YBEY: variants seen among roughly 807,000 people sequenced by gnomAD.
YBEY encodes endoribonuclease YbeY.
A neutral mutation model predicts 13.5 loss-of-function variants in YBEY; 15 were observed. The observed-to-expected ratio is 1.11, with a 90% CI of 0.75 to 1.72. The LOEUF is 1.72. Ranked by LOEUF, YBEY falls within the 40% of genes most tolerant of loss-of-function variation. The pLI, the probability that YBEY is intolerant of heterozygous loss-of-function variation, is 0.00. For missense variants in YBEY, 244 were observed against 208.4 expected (o/e 1.17, Z -1.05); for synonymous variants, 101 against 83.1 (o/e 1.21, Z -1.17).
the YBEY span, among the ~76,000 whole-genome samples, chr21:46,310,138 TCA>T: frequency 7.9e-5 from 12 of 152,180 alleles, no homozygotes; most frequent in African/African-American, 2.7e-4. Flanking sequence ...ATGGATATGC[TCA>T]GTCTTGATTG....
Position 46,296,171 on chromosome 21 carries a change from AC to A in YBEY, c.352del (p.His118ThrfsTer42). 6.2e-7 allele frequency: 1 copy of A among 1,613,760 alleles called. No homozygotes were observed. The highest frequency in any genetic ancestry group is 1.3e-5 in the African/African-American group (1 of 75,024). ...AAAATTATTCTGACAGGTGACGGCC[AC>A]CCACGGACTCTGTCACTTGCTGGGA... ...DYNDVLTVTA[T>X]HGLCHLLGFT... On this transcript the variant is annotated frameshift_variant, in exon 4 of 5. Transcript: ENST00000397701. LOFTEE classifies it high-confidence loss of function.
At chr21:46,309,924 G>A in the YBEY span, among the ~76,000 whole-genome samples, 2 of 151,920 alleles carry the variant, frequency 1.3e-5, no homozygotes, top group East Asian at 3.9e-4. Context: ...TAAACCTGGA[G>A]GGGCAGAGGT....
In YBEY at chr21:46,287,125, TA is replaced by T. The variant is rs58271568; in HGVS notation, c.210+12del. ...GTGCTTTCTTTTCCATTTCATGAGG[TA>T]AAAAAAAAATGTTCCTCTTCTTGTC... is the stretch of plus-strand genomic sequence containing the variant. On this transcript the variant is annotated splice_donor_region_variant and intron_variant, in intron 2 of 4. Coordinates refer to ENST00000397701, the MANE Select transcript of YBEY (RefSeq NM_001314025.2). 1.0e-3 allele frequency: 1,511 copies of T among 1,489,962 alleles called. No homozygotes were observed. The highest frequency in any genetic ancestry group is 2.5e-3 in the Admixed American group (116 of 45,910). 92.3% of individuals were successfully genotyped at this position (1,489,962 alleles called of 1,614,324 possible). A position where few individuals can be genotyped will look rare whatever the true frequency, so the allele number is the denominator to read the frequency against.
downstream of YBEY, chr21:46,300,768 G>A (rs528607241): frequency 1.1e-4 from 139 of 1,289,286 alleles, 1 homozygote; most frequent in African/African-American, 5.6e-4. Context: ...CTCCTTGTGC[G>A]GAACTTCAGG....
chr21:46,307,276 T>TGCTGGGATGACAGGCATGA, the YBEY span, among the ~76,000 whole-genome samples: 2 of 152,160 alleles, frequency 1.3e-5, no homozygotes, highest in African/African-American at 4.8e-5. Flanking sequence ...CCTCCCAAAG[T>TGCTGGGATGACAGGCATGA]GCTGGGATGA....
intron 2 of YBEY, among the ~76,000 whole-genome samples, chr21:46,289,694 T>C (rs145384019): frequency 2.4e-4 from 36 of 152,018 alleles, no homozygotes; most frequent in African/African-American, 8.7e-4. Context: ...CCTCAGGTGA[T>C]CTACCCGCCT....
chr21:46,287,100 G>C lies in YBEY; in HGVS notation c.187G>C (p.Val63Leu). ...CAGAGATAGAAATGTCCCAACCGATGTGCTTTCTTTTCCATTTCATGAGGT... is the reference window on the plus strand; with the variant it reads ...CAGAGATAGAAATGTCCCAACCGATCTGCTTTCTTTTCCATTTCATGAGGT... ...IYRDRNVPTD[V>L]LSFPFHEHLK... is the part of the protein sequence containing the mutation. Residue 63 changes from valine to leucine, a missense_variant, in exon 2 of 5, where the codon GTG becomes CTG. Transcript: ENST00000397701. 1 of 1,599,784 alleles carries C rather than the reference G, an allele frequency of 6.3e-7. No homozygotes were observed. The highest frequency in any genetic ancestry group is 8.5e-7 in the Non-Finnish European group (1 of 1,173,636).
chr21:46,292,283 G>C (rs986640669), intron 3 of YBEY: 3 of 152,260 alleles, frequency 2.0e-5, no homozygotes, highest in Non-Finnish European at 2.9e-5. Flanking sequence ...TGAGTCCTGA[G>C]CAGTAGGGAA....
chr21:46,295,720 C>T (rs529995885), intron 3 of YBEY, among the ~76,000 whole-genome samples: 1 of 42,010 alleles, frequency 2.4e-5, no homozygotes, highest in East Asian at 2.5e-4. Context: ...CACCGGAGGC[C>T]CCATCCTGAC....
downstream of YBEY, among the ~76,000 whole-genome samples, chr21:46,299,423 A>G (rs2082055598): frequency 6.6e-6 from 1 of 152,030 alleles, no homozygotes; most frequent in African/African-American, 2.4e-5. Context: ...CTCACAGGTC[A>G]CCACTGCCCA....
intron 2 of YBEY, among the ~76,000 whole-genome samples, chr21:46,289,612 A>ATT: frequency 7.0e-6 from 1 of 142,992 alleles, no homozygotes; most frequent in South Asian, 2.2e-4. Context: ...CATCTGGCTA[A>ATT]TTTTTTTTTT....
At chr21:46,311,691 C>G in the YBEY span, 1 of 445,960 alleles carries the variant, frequency 2.2e-6, no homozygotes, top group Non-Finnish European at 4.1e-6. Flanking sequence ...ACCCATCCAT[C>G]CAACCAACCA....
chr21:46,301,694 C>A, downstream of YBEY: 1 of 1,159,390 alleles, frequency 8.6e-7, no homozygotes, highest in East Asian at 4.0e-5. Flanking sequence ...TCTGAGGCTC[C>A]CAGGTGGGCC....
downstream of YBEY, chr21:46,302,631 T>TA (rs1256523241): frequency 7.2e-7 from 1 of 1,385,726 alleles, no homozygotes; most frequent in Non-Finnish European, 1.0e-6. Flanking sequence ...TCCTATTTGT[T>TA]AAAGTGATAG....
At chr21:46,309,652 G>C in the YBEY span, among the ~76,000 whole-genome samples, 1 of 152,108 alleles carries the variant, frequency 6.6e-6, no homozygotes, top group East Asian at 1.9e-4. Flanking sequence ...CATGCTGAGA[G>C]AAGCCATACA....
chr21:46,296,504 G>A (rs2081956447), intron 4 of YBEY, among the ~76,000 whole-genome samples: 1 of 152,306 alleles, frequency 6.6e-6, no homozygotes, highest in East Asian at 1.9e-4. Flanking sequence ...GGTCCAATCA[G>A]CTAGAGACTA....
intron 2 of YBEY, among the ~76,000 whole-genome samples, chr21:46,287,901 A>T (rs1185825401): frequency 1.3e-5 from 2 of 151,980 alleles, no homozygotes; most frequent in Non-Finnish European, 2.9e-5. Context: ...AATCCTAGCT[A>T]CCTGGGAGGC....
At chr21:46,300,823 A>C (rs138894461), downstream of YBEY, 370 of 1,263,678 alleles carry the variant, frequency 2.9e-4, 1 homozygote, top group East Asian at 8.6e-3. Flanking sequence ...AAGTTTATGT[A>C]TACTACTTAA....
intron 2 of YBEY, among the ~76,000 whole-genome samples, chr21:46,287,397 T>G (rs904361365): frequency 5.6e-5 from 8 of 143,930 alleles, no homozygotes; most frequent in Admixed American, 1.4e-4. Flanking sequence ...AGACGGGGGT[T>G]TTACCATGTT....
Sources: gnomAD v4.1 joint callset for allele counts (sites outside exome capture counted in the v4.1 genomes callset) on GRCh38, gnomAD v4.1.1 for gene constraint, MANE v1.5 for transcripts, NCBI Gene and HGNC (gene_info 2026-07-23, HGNC 2026-07-21) for gene names.